ELAPOR2: variants seen among roughly 807,000 people sequenced by gnomAD.
ELAPOR2 encodes endosome/lysosome-associated apoptosis and autophagy regulator family member 2.
A neutral mutation model predicts 120.7 loss-of-function variants in ELAPOR2; 89 were observed. The ratio of observed to expected loss-of-function variants is 0.74; its 90% confidence interval spans 0.62 to 0.88. The LOEUF is 0.88. Ranked by LOEUF, ELAPOR2 falls within the 40% of genes least tolerant of loss-of-function variation. The pLI is 0.00. For synonymous variants in ELAPOR2, 444 were observed against 444.9 expected, an observed-to-expected ratio of 1.00 and a Z score of 0.03; for missense variants, 1,134 against 1,251.6, an observed-to-expected ratio of 0.91 and a Z score of 1.42.
At chr7:87,057,741 T>A (rs1463382731) in intron 1 of ELAPOR2, among the ~76,000 whole-genome samples, 4 of 152,224 alleles carry the variant, frequency 2.6e-5, no homozygotes, top group Admixed American at 2.6e-4. Context: ...TCTAAAAGAT[T>A]AGTCTAGTTG....
intron 1 of ELAPOR2, among the ~76,000 whole-genome samples, chr7:86,973,662 C>T (rs889740157): frequency 1.1e-4 from 17 of 152,128 alleles, no homozygotes; most frequent in African/African-American, 4.1e-4. Context: ...GGAAGATGGA[C>T]CTGGGAAACC....
intron 2 of ELAPOR2, among the ~76,000 whole-genome samples, chr7:86,954,696 T>C (rs1314179748): frequency 2.0e-5 from 3 of 152,136 alleles, no homozygotes; most frequent in African/African-American, 4.8e-5. Flanking sequence ...TCACTAAGTA[T>C]AAATTCATTG....
chr7:86,943,634 A>C (rs1219500610), intron 4 of ELAPOR2, among the ~76,000 whole-genome samples: 2 of 152,034 alleles, frequency 1.3e-5, no homozygotes, highest in Non-Finnish European at 2.9e-5. Flanking sequence ...CATCTCTCAA[A>C]GAACTTATTG....
At chr7:86,956,010 G>T (rs1022586645) in intron 2 of ELAPOR2, among the ~76,000 whole-genome samples, 2 of 151,364 alleles carry the variant, frequency 1.3e-5, no homozygotes, top group Non-Finnish European at 3.0e-5. Context: ...AAAAATAAAA[G>T]GGGAAAAAAA....
chr7:87,051,190 G>A (rs979248463), intron 1 of ELAPOR2, among the ~76,000 whole-genome samples: 10 of 152,148 alleles, frequency 6.6e-5, no homozygotes, highest in Admixed American at 1.3e-4. Context: ...AGAATAAATC[G>A]CTGGAACATG....
chr7:86,916,234 G>A (rs750365697), intron 12 of ELAPOR2, among the ~76,000 whole-genome samples: 1 of 152,156 alleles, frequency 6.6e-6, no homozygotes, highest in Non-Finnish European at 1.5e-5. Flanking sequence ...TTAAAGCAGG[G>A]ATTTTTCAAA....
At chr7:86,965,299 C>G (rs1791865249) in intron 1 of ELAPOR2, among the ~76,000 whole-genome samples, 1 of 152,188 alleles carries the variant, frequency 6.6e-6, no homozygotes, top group African/African-American at 2.4e-5. Flanking sequence ...AGCTACAGCA[C>G]ACTTCCCTAT....
rs1799204510 is a variant in ELAPOR2, at chr7:86,877,295, G to A, written c.*3176C>T. ...TAGTATGAAGATGAATTCCATTTTA[G>A]CTTCCAACGAATGAGTCGGGTGTTG... On this transcript the variant is annotated 3_prime_UTR_variant, in exon 22 of 22. Coordinates refer to ENST00000450689, the MANE Select transcript of ELAPOR2 (RefSeq NM_001142749.3). 1 of 152,106 alleles carries A rather than the reference G, an allele frequency of 6.6e-6. No homozygotes were observed. The highest frequency in any genetic ancestry group is 2.1e-4 in the South Asian group (1 of 4,816). The allele number at this position is 152,106 out of a possible 1,614,324, so 9.4% of individuals were successfully genotyped here. A position where few individuals can be genotyped will look rare whatever the true frequency, so the allele number is the denominator to read the frequency against.
chr7:86,901,983 T>C (rs1165164838), intron 18 of ELAPOR2, among the ~76,000 whole-genome samples: 1 of 152,216 alleles, frequency 6.6e-6, no homozygotes, highest in Non-Finnish European at 1.5e-5. Flanking sequence ...CAGGCTACTA[T>C]GATAAAACAT....
chr7:86,962,165 T>C (rs1340058653), intron 2 of ELAPOR2, among the ~76,000 whole-genome samples: 3 of 152,256 alleles, frequency 2.0e-5, no homozygotes, highest in African/African-American at 4.8e-5. Context: ...AAAACAAATA[T>C]ATAATATAGC....
chr7:86,965,203 A>G (rs1791861448), intron 1 of ELAPOR2, among the ~76,000 whole-genome samples, 179 bp from the exon 2 acceptor site: 1 of 152,126 alleles, frequency 6.6e-6, no homozygotes, highest in Admixed American at 6.6e-5. Context: ...CTAGACACAG[A>G]GTAGGTGCTG....
In ELAPOR2 at chr7:87,035,315, A is replaced by AGG. The variant is rs1415609363; in HGVS notation, c.189+24009_189+24010insCC. Among the ~76,000 whole-genome samples the AGG allele has an allele frequency of 4.1e-3, 630 of 152,296 alleles. 3 individuals are homozygous for AGG. Among genetic ancestry groups the AGG allele is most frequent in the African/African-American group, 0.015 (607 of 41,560 alleles). On this transcript the variant is annotated intron_variant, in intron 1 of 21. Transcript: ENST00000450689. ...CCAAAGAAGCAGCTCTGCAATTTTCAGAGTATAAAGACAAAGCTCATGGCT... is the reference window on the plus strand; with the variant it reads ...CCAAAGAAGCAGCTCTGCAATTTTCAGGGAGTATAAAGACAAAGCTCATGGCT...
chr7:87,003,742 G>A (rs1793388636), intron 1 of ELAPOR2, among the ~76,000 whole-genome samples: 1 of 152,154 alleles, frequency 6.6e-6, no homozygotes, highest in Admixed American at 6.6e-5. Flanking sequence ...ATCAAGGAAT[G>A]TAAACTTATA....
At chr7:87,001,214 C>T (rs1415932567) in intron 1 of ELAPOR2, among the ~76,000 whole-genome samples, 1 of 152,082 alleles carries the variant, frequency 6.6e-6, no homozygotes, top group Non-Finnish European at 1.5e-5. Flanking sequence ...CTTGGTTAAG[C>T]TAGTCCCAGA....
Position 87,059,532 on chromosome 7 carries a change from G to T in ELAPOR2, c.-19C>A. On this transcript the variant is annotated 5_prime_UTR_variant, in exon 1 of 22. Coordinates refer to ENST00000450689, the MANE Select transcript of ELAPOR2 (RefSeq NM_001142749.3). Reference sequence around the variant, plus strand: ...ACAGCATCTTCGTCCGGCCGCGGTCGGCGGGCCGGCGGCAAGGCAGCCTTC... The same window carrying T: ...ACAGCATCTTCGTCCGGCCGCGGTCTGCGGGCCGGCGGCAAGGCAGCCTTC... The T allele has an allele frequency of 1.7e-6, 2 of 1,175,670 alleles. No individual in the cohort carries two copies. The highest frequency in any genetic ancestry group is 4.2e-5 in the South Asian group (1 of 23,776). 72.8% of individuals were successfully genotyped at this position (1,175,670 alleles called of 1,614,324 possible).
intron 12 of ELAPOR2, among the ~76,000 whole-genome samples, chr7:86,916,328 C>A (rs762923001): frequency 2.0e-5 from 3 of 152,142 alleles, no homozygotes; most frequent in Non-Finnish European, 4.4e-5. Flanking sequence ...GAAGTTTGAG[C>A]TGCTACTGAA....
At chr7:86,941,851 G>A (rs12668318) in intron 5 of ELAPOR2, among the ~76,000 whole-genome samples, 167 bp downstream of exon 5, 15 of 151,992 alleles carry the variant, frequency 9.9e-5, no homozygotes, top group East Asian at 5.8e-4. Flanking sequence ...AATTTTTTCC[G>A]TAACCAGAAA....
intron 8 of ELAPOR2, among the ~76,000 whole-genome samples, chr7:86,932,900 A>G (rs912790760): frequency 1.3e-5 from 2 of 151,820 alleles, no homozygotes; most frequent in Non-Finnish European, 2.9e-5. Flanking sequence ...ATTTGAGCTC[A>G]TTGTTCAAAC....
chr7:86,914,808 T>C lies in ELAPOR2; in HGVS notation c.1646A>G (p.Glu549Gly). Reference protein sequence around the residue: ...NVVESWGGTKEKQAYTHIIFK... With the variant: ...NVVESWGGTKGKQAYTHIIFK... ...GATGATATGGGTGTAAGCTTGTTTTTCTTTGGTTCCACCCCACGATTCTAC... is the reference window on the plus strand; with the variant it reads ...GATGATATGGGTGTAAGCTTGTTTTCCTTTGGTTCCACCCCACGATTCTAC... Residue 549 changes from glutamate (E) to glycine (G), a missense_variant, in exon 13 of 22, where the codon GAA becomes GGA. Physicochemically the swap from Glu to Gly is moderately conservative, Grantham distance 98. This residue lies in a region of ELAPOR2 where 831 missense variants were observed against 867.6 expected (regional missense o/e 0.96). Coordinates refer to ENST00000450689, the MANE Select transcript of ELAPOR2 (RefSeq NM_001142749.3). The C allele has an allele frequency of 1.9e-6, 3 of 1,612,692 alleles. No homozygotes were observed. In the East Asian group the frequency reaches 6.7e-5, roughly 36 times the overall value.
Sources: gnomAD v4.1 joint callset for allele counts (sites outside exome capture counted in the v4.1 genomes callset) on GRCh38, gnomAD v4.1.1 for gene constraint, gnomAD v4.1.1 regional missense constraint, MANE v1.5 for transcripts, NCBI Gene and HGNC (gene_info 2026-07-23, HGNC 2026-07-21) for gene names.